Variants in DSE observed in about 807,000 individuals in gnomAD.
DSE encodes the protein dermatan sulfate epimerase.
In DSE, 36 loss-of-function variants were observed where a neutral mutation model predicts 84.4. That is an observed-to-expected ratio of 0.43 (90% CI 0.33 to 0.56). DSE has a LOEUF of 0.56. Ranked by LOEUF, DSE falls within the 20% of genes least tolerant of loss-of-function variation. DSE has a pLI of 0.06. For missense variants in DSE, 862 were observed against 1,169.6 expected (o/e 0.74, Z 3.84); for synonymous variants, 410 against 430.1 (o/e 0.95, Z 0.58).
At chr6:116,425,000 A>G (rs1783336110) in intron 2 of DSE, among the ~76,000 whole-genome samples, 1 of 152,204 alleles carries the variant, frequency 6.6e-6, no homozygotes. Context: ...ACCAATCTTG[A>G]TGGTATTGGG....
chr6:116,259,818 T>TCTCATTC (rs1772330386), intron 2 of DSE, among the ~76,000 whole-genome samples: 1 of 152,240 alleles, frequency 6.6e-6, no homozygotes. Flanking sequence ...AAGGACATGA[T>TCTCATTC]CTCATTCTTT....
intron 2 of DSE, among the ~76,000 whole-genome samples, chr6:116,350,913 A>G (rs76486035): frequency 1.1e-4 from 10 of 93,686 alleles, no homozygotes; most frequent in South Asian, 3.1e-4. Flanking sequence ...TTCCTTTTGG[A>G]AAAAAAAAAA....
At chr6:116,305,455 AAAG>A (rs2114715919) in intron 2 of DSE, among the ~76,000 whole-genome samples, 1 of 152,374 alleles carries the variant, frequency 6.6e-6, no homozygotes, top group Non-Finnish European at 1.5e-5. Context: ...GAAGGAGACA[AAAG>A]AAGCAAGAAA....
intron 2 of DSE, among the ~76,000 whole-genome samples, chr6:116,352,155 A>C (rs1035609461): frequency 6.6e-6 from 1 of 152,236 alleles, no homozygotes; most frequent in Non-Finnish European, 1.5e-5. Context: ...AAAGGAACCA[A>C]TTAGATGTCT....
intron 2 of DSE, among the ~76,000 whole-genome samples, chr6:116,338,997 T>C (rs1777430780): frequency 6.6e-6 from 1 of 152,228 alleles, no homozygotes; most frequent in South Asian, 2.1e-4. Context: ...ATTTGTCTCA[T>C]GCGCCCTGTG....
At chr6:116,357,943 A>G (rs181996761) in intron 2 of DSE, among the ~76,000 whole-genome samples, 4 of 152,360 alleles carry the variant, frequency 2.6e-5, no homozygotes, top group African/African-American at 7.2e-5. Flanking sequence ...TATAGAATTT[A>G]TAGGGAGTAA....
chr6:116,392,477 A>G (rs1339842866), intron 1 of DSE, among the ~76,000 whole-genome samples: 1 of 152,198 alleles, frequency 6.6e-6, no homozygotes, highest in East Asian at 1.9e-4. Flanking sequence ...GGGCCCATCC[A>G]TTAAGTTGAG....
At position 116,441,935 on chromosome 6, in the gene DSE, G is replaced by A. The variant is rs1333738298; in HGVS notation, c.*4590G>A. On this transcript the variant is annotated 3_prime_UTR_variant, in exon 6 of 6. Transcript: ENST00000644252. Reference sequence around the variant, plus strand: ...CCCTTGTATAGTTTATGTTCTAGTGGGAGCAAATAATAACAGTAATAGTGC... The same window carrying A: ...CCCTTGTATAGTTTATGTTCTAGTGAGAGCAAATAATAACAGTAATAGTGC... 1 of 152,190 alleles carries A rather than the reference G, an allele frequency of 6.6e-6. No homozygotes were observed. Among genetic ancestry groups the A allele is most frequent in the African/African-American group, 2.4e-5 (1 of 41,410 alleles). 9.4% of individuals were successfully genotyped at this position (152,190 alleles called of 1,614,324 possible). A position where few individuals can be genotyped will look rare whatever the true frequency, so the allele number is the denominator to read the frequency against.
intron 4 of DSE, among the ~76,000 whole-genome samples, chr6:116,431,791 AT>A (rs1359182418): frequency 9.8e-5 from 15 of 152,292 alleles, no homozygotes; most frequent in East Asian, 3.9e-4. Context: ...TCTAAAAAAA[AT>A]ATATACATGA....
intron 2 of DSE, among the ~76,000 whole-genome samples, chr6:116,282,496 T>C (rs373716764): frequency 3.9e-4 from 59 of 152,234 alleles, no homozygotes; most frequent in Middle Eastern, 3.2e-3. Flanking sequence ...ATTAGGATCA[T>C]GTAAGTATAA....
intron 2 of DSE, among the ~76,000 whole-genome samples, chr6:116,419,435 A>C (rs1782934205): frequency 6.6e-6 from 1 of 152,238 alleles, no homozygotes; most frequent in Admixed American, 6.5e-5. Context: ...AAACACACAA[A>C]GGTGTTTGGT....
intron 2 of DSE, among the ~76,000 whole-genome samples, chr6:116,301,210 T>G (rs77499083): frequency 0.028 from 4,231 of 151,972 alleles, 110 homozygotes; most frequent in Non-Finnish European, 0.042. Context: ...CACACAAACA[T>G]AGGCATTCAT....
chr6:116,280,351 A>G, intron 2 of DSE: 1 of 197,364 alleles, frequency 5.1e-6, no homozygotes, highest in Non-Finnish European at 1.1e-5. Context: ...TCTTAGTAAA[A>G]GTGACATAAA....
At chr6:116,337,891 C>G (rs553506134) in intron 2 of DSE, among the ~76,000 whole-genome samples, 1 of 152,152 alleles carries the variant, frequency 6.6e-6, no homozygotes, top group Non-Finnish European at 1.5e-5. Context: ...TCATTCTATT[C>G]TAATTTATTT....
chr6:116,409,918 A>G (rs1314158687), intron 2 of DSE, among the ~76,000 whole-genome samples: 1 of 152,144 alleles, frequency 6.6e-6, no homozygotes, highest in Non-Finnish European at 1.5e-5. Context: ...TGCTGTACAA[A>G]GGCCTGGAGA....
At chr6:116,399,075 T>A in intron 1 of DSE, 123 bp from the exon 2 acceptor site, 2 of 832,144 alleles carry the variant, frequency 2.4e-6, no homozygotes, top group South Asian at 1.9e-5. Context: ...TTTTGTTGTA[T>A]TTTTAAAAAT....
chr6:116,309,486 A>T (rs1326045377), intron 2 of DSE, among the ~76,000 whole-genome samples: 1 of 152,226 alleles, frequency 6.6e-6, no homozygotes, highest in East Asian at 1.9e-4. Context: ...GTATTAGTAG[A>T]TATATCTGTT....
intron 2 of DSE, chr6:116,279,616 TG>T: frequency 1.9e-6 from 3 of 1,602,710 alleles, no homozygotes. Flanking sequence ...CGCGGCATCC[TG>T]GGGTACGCCC....
At chr6:116,334,465 A>G (rs780871448) in intron 2 of DSE, among the ~76,000 whole-genome samples, 4 of 152,208 alleles carry the variant, frequency 2.6e-5, no homozygotes, top group Admixed American at 6.5e-5. Flanking sequence ...AAAATACTGT[A>G]TTCGAAAATT....
Sources: allele counts gnomAD v4.1 joint callset (sites outside exome capture counted in the v4.1 genomes callset), GRCh38; gene constraint gnomAD v4.1.1; transcripts MANE v1.5; gene names NCBI Gene and HGNC (gene_info 2026-07-23, HGNC 2026-07-21).